SND1: variants seen among roughly 807,000 people sequenced by gnomAD.
The protein encoded by SND1 is staphylococcal nuclease and tudor domain containing 1.
A neutral mutation model predicts 121.7 loss-of-function variants in SND1; 38 were observed. That is an observed-to-expected ratio of 0.31 (90% CI 0.24 to 0.41). The LOEUF is 0.41. SND1 is among the 10% of genes least tolerant of loss of function. The pLI, the probability that SND1 is intolerant of heterozygous loss-of-function variation, is 1.00. For missense variants in SND1, 868 were observed against 1,184.6 expected (o/e 0.73, Z 3.92); for synonymous variants, 401 against 447.4 (o/e 0.90, Z 1.31).
At chr7:128,005,804 C>A (rs931031611) in intron 16 of SND1, among the ~76,000 whole-genome samples, 1 of 152,134 alleles carries the variant, frequency 6.6e-6, no homozygotes, top group Non-Finnish European at 1.5e-5. Flanking sequence ...TGAGGAGCTC[C>A]CCACCTGTGC....
At chr7:127,764,992 G>C (rs1480902386) in intron 10 of SND1, among the ~76,000 whole-genome samples, 1 of 152,174 alleles carries the variant, frequency 6.6e-6, no homozygotes, top group Non-Finnish European at 1.5e-5. Context: ...CGCTGTTGAT[G>C]AATGGGAGGA....
intron 15 of SND1, among the ~76,000 whole-genome samples, chr7:127,987,333 G>T (rs1802416893): frequency 6.6e-6 from 1 of 152,146 alleles, no homozygotes; most frequent in Admixed American, 6.5e-5. Flanking sequence ...TGCATCACCA[G>T]CCCAGCAGTG....
chr7:127,760,328 G>A (rs112202714), intron 10 of SND1, among the ~76,000 whole-genome samples: 6 of 152,294 alleles, frequency 3.9e-5, no homozygotes, highest in Admixed American at 6.5e-5. Context: ...ATAGTGGGAG[G>A]ATAACTGTAT....
At chr7:127,772,264 A>C (rs1435907824) in intron 10 of SND1, among the ~76,000 whole-genome samples, 2 of 152,242 alleles carry the variant, frequency 1.3e-5, no homozygotes, top group African/African-American at 4.8e-5. Flanking sequence ...AGCCAAAATT[A>C]GATTTAAGTA....
chr7:127,840,382 G>T (rs913544585), intron 11 of SND1, among the ~76,000 whole-genome samples: 4 of 152,124 alleles, frequency 2.6e-5, no homozygotes, highest in Non-Finnish European at 4.4e-5. Flanking sequence ...AGAGCCCAGG[G>T]CTCTTTGTGG....
At chr7:127,988,200 A>C (rs1186763303) in intron 15 of SND1, among the ~76,000 whole-genome samples, 1 of 152,230 alleles carries the variant, frequency 6.6e-6, no homozygotes, top group Non-Finnish European at 1.5e-5. Flanking sequence ...CGGCTCGGCA[A>C]ATTTCTAATA....
At chr7:127,981,595 G>T (rs980450089) in intron 15 of SND1, among the ~76,000 whole-genome samples, 1 of 152,144 alleles carries the variant, frequency 6.6e-6, no homozygotes, top group Non-Finnish European at 1.5e-5. Context: ...AATTATAAAA[G>T]GTTATTCCCA....
chr7:128,076,762 G>T (rs968431163), intron 17 of SND1, among the ~76,000 whole-genome samples: 2 of 152,240 alleles, frequency 1.3e-5, no homozygotes, highest in Non-Finnish European at 2.9e-5. Context: ...GATTCTGTGA[G>T]ACCAGGAAGT....
At chr7:127,902,907 A>T (rs1221553002) in intron 13 of SND1, among the ~76,000 whole-genome samples, 2 of 150,274 alleles carry the variant, frequency 1.3e-5, no homozygotes, top group African/African-American at 4.9e-5. Context: ...TTTTTTTGAG[A>T]TGGAGTCTCT....
intron 12 of SND1, among the ~76,000 whole-genome samples, chr7:127,844,816 T>C (rs1476124440): frequency 6.6e-6 from 1 of 152,178 alleles, no homozygotes; most frequent in Non-Finnish European, 1.5e-5. Flanking sequence ...GAGAGGTTAA[T>C]TGGACATTTT....
chr7:127,770,056 T>G lies in SND1; in HGVS notation c.1153-37428T>G, dbSNP rs1265479879. ...TTTGGGACCTTGCTGCTGCCTAACC[T>G]TCCAGCTTTGTGCCACTCACCGTCA... On this transcript the variant is annotated intron_variant, in intron 10 of 23. Transcript: ENST00000354725. Among the ~76,000 whole-genome samples the G allele has an allele frequency of 2.0e-5, 3 of 152,220 alleles. No individual in the cohort carries two copies. The South Asian group carries it at 6.2e-4, about 32-fold the overall frequency.
At chr7:128,030,547 A>C in intron 16 of SND1, 2 of 1,613,340 alleles carry the variant, frequency 1.2e-6, no homozygotes, top group Non-Finnish European at 1.7e-6. Flanking sequence ...ATGGCTGCAC[A>C]CAGAATCCAC....
At chr7:128,030,713 TAA>T in intron 16 of SND1, 1 of 1,493,858 alleles carries the variant, frequency 6.7e-7, no homozygotes, top group Non-Finnish European at 9.0e-7. Context: ...TACCCCGGCT[TAA>T]GTGAGCTAGG....
chr7:128,023,782 T>C (rs1264772300), intron 16 of SND1, among the ~76,000 whole-genome samples: 2 of 152,200 alleles, frequency 1.3e-5, no homozygotes, highest in Non-Finnish European at 2.9e-5. Flanking sequence ...GATCTGTGTG[T>C]TTGTGTGTAT....
intron 16 of SND1, among the ~76,000 whole-genome samples, chr7:128,057,596 C>T (rs1157747509): frequency 6.6e-6 from 1 of 152,118 alleles, no homozygotes; most frequent in Non-Finnish European, 1.5e-5. Context: ...TCCTTCCAGT[C>T]AGGAAGCCAA....
At chr7:128,065,583 T>C (rs1793299323) in intron 16 of SND1, among the ~76,000 whole-genome samples, 1 of 152,212 alleles carries the variant, frequency 6.6e-6, no homozygotes, top group South Asian at 2.1e-4. Context: ...CCATAGATCA[T>C]ACACCGATTT....
chr7:128,014,191 C>A (rs1326121358), intron 16 of SND1, among the ~76,000 whole-genome samples: 1 of 152,208 alleles, frequency 6.6e-6, no homozygotes, highest in Non-Finnish European at 1.5e-5. Flanking sequence ...CCATGTACAA[C>A]AAGCGCTTCT....
At chr7:128,005,420 C>T (rs1353094526) in intron 16 of SND1, among the ~76,000 whole-genome samples, 1 of 152,232 alleles carries the variant, frequency 6.6e-6, no homozygotes, top group Non-Finnish European at 1.5e-5. Flanking sequence ...TCTGTCCTTC[C>T]TCTTTCATTC....
At chr7:128,082,042 A>C (rs1401943766) in intron 18 of SND1, 3 of 513,728 alleles carry the variant, frequency 5.8e-6, no homozygotes, top group Non-Finnish European at 1.2e-5. Context: ...ATCCCCGGGC[A>C]GTCTCTGAAG....
Sources: allele counts gnomAD v4.1 joint callset (sites outside exome capture counted in the v4.1 genomes callset), GRCh38; gene constraint gnomAD v4.1.1; transcripts MANE v1.5; gene names NCBI Gene and HGNC (gene_info 2026-07-23, HGNC 2026-07-21).